The following PCNX2 variants were observed in gnomAD, a reference collection of about 807,000 sequenced individuals.
PCNX2 encodes the protein pecanex-like protein 2.
Under a neutral mutation model 223.8 loss-of-function variants are expected in PCNX2, and 168 were observed. The observed-to-expected ratio is 0.75, with a 90% CI of 0.66 to 0.85. PCNX2 has a LOEUF of 0.85. PCNX2 is among the 40% of genes least tolerant of loss of function. The pLI, the probability that PCNX2 is intolerant of heterozygous loss-of-function variation, is 0.00. For missense variants in PCNX2, 2,507 were observed against 2,675.5 expected, an observed-to-expected ratio of 0.94 and a Z score of 1.39; for synonymous variants, 1,006 against 1,052.6, an observed-to-expected ratio of 0.96 and a Z score of 0.86.
intron 15 of PCNX2, among the ~76,000 whole-genome samples, chr1:233,187,089 T>C (rs1326310561): frequency 6.6e-6 from 1 of 152,168 alleles, no homozygotes; most frequent in Non-Finnish European, 1.5e-5. Flanking sequence ...CAATGAAAAG[T>C]GTGCACAAGC....
rs796640283 is a variant in PCNX2 at position 232,991,270 on chromosome 1, G to A, written c.5792-4730C>T. On this transcript the variant is annotated intron_variant, in intron 32 of 33. Coordinates refer to ENST00000258229, the MANE Select transcript of PCNX2 (RefSeq NM_014801.4). This position sits in a 1 kb window ranked among gnomAD's most constrained non-coding sequence, Gnocchi z 4.3. The stretch of plus-strand genomic sequence containing the variant: ...CTGCAAGCCTGGGAGAGGGACACTG[G>A]GGACAGAGGAGGCAGCAGCTGAGGG... Among the ~76,000 whole-genome samples, 6 of 152,262 alleles carry A rather than the reference G, an allele frequency of 3.9e-5. No homozygotes were observed. The highest frequency in any genetic ancestry group is 1.4e-4 in the African/African-American group (6 of 41,554).
At chr1:233,167,803 A>G in intron 17 of PCNX2, 1 of 982,656 alleles carries the variant, frequency 1.0e-6, no homozygotes, top group Non-Finnish European at 1.2e-6. Flanking sequence ...AGCTCTAAAA[A>G]GTTTGTAACT....
chr1:233,075,739 A>AC lies in PCNX2; in HGVS notation c.4076+14321_4076+14322insG, dbSNP rs1553282226. On this transcript the variant is annotated intron_variant, in intron 23 of 33. Coordinates refer to ENST00000258229, the MANE Select transcript of PCNX2 (RefSeq NM_014801.4). ...CACACACACACACACACACACACAC[A>AC]ACAGAAAAGAAATCTCCATTGCAAA... Among the ~76,000 whole-genome samples, 262 of 149,426 alleles carry AC rather than the reference A, an allele frequency of 1.8e-3. 1 individual carries two copies. Among genetic ancestry groups the AC allele is most frequent in the African/African-American group, 4.6e-3 (184 of 40,404 alleles).
At chr1:233,305,463 T>C in the PCNX2 span, among the ~76,000 whole-genome samples, 1 of 152,314 alleles carries the variant, frequency 6.6e-6, no homozygotes, top group Admixed American at 6.5e-5. Context: ...TTTATTCTTT[T>C]GTGACAGGGT....
At chr1:233,170,349 T>C (rs1437054785) in intron 17 of PCNX2, among the ~76,000 whole-genome samples, 3 of 152,238 alleles carry the variant, frequency 2.0e-5, no homozygotes, top group Non-Finnish European at 4.4e-5. Flanking sequence ...CTGGTAGTTT[T>C]GAAATGGTGA....
chr1:233,243,468 A>G (rs1445847264), intron 8 of PCNX2, among the ~76,000 whole-genome samples: 2 of 152,226 alleles, frequency 1.3e-5, no homozygotes, highest in Non-Finnish European at 2.9e-5. Flanking sequence ...CTTAAAATCT[A>G]ATTGCATTAA....
the PCNX2 span, among the ~76,000 whole-genome samples, chr1:233,305,688 C>G: frequency 6.6e-6 from 1 of 152,198 alleles, no homozygotes; most frequent in African/African-American, 2.4e-5. Context: ...CCCCTGGGCT[C>G]AAACCATCCA....
chr1:233,214,449 C>T (rs571448397), intron 12 of PCNX2, among the ~76,000 whole-genome samples: 7 of 152,318 alleles, frequency 4.6e-5, no homozygotes, highest in South Asian at 4.1e-4. Context: ...ATTGCCTCCA[C>T]CATAATGACT....
At chr1:233,057,358 G>A in intron 23 of PCNX2, 68 bp from the exon 24 acceptor site, 1 of 1,259,210 alleles carries the variant, frequency 7.9e-7, no homozygotes, top group Non-Finnish European at 1.1e-6. Flanking sequence ...TTGGTTTATA[G>A]AACCAGCTGC....
intron 21 of PCNX2, among the ~76,000 whole-genome samples, chr1:233,100,417 CAAAAAAAAAAAA>C (rs5781726): frequency 2.5e-4 from 20 of 81,074 alleles, no homozygotes; most frequent in Admixed American, 9.7e-4. Flanking sequence ...GATTCTGTCT[CAAAAAAAAAAAA>C]AAAAAAAAAA....
At chr1:233,097,261 A>G (rs1214103195) in intron 21 of PCNX2, among the ~76,000 whole-genome samples, 1 of 151,946 alleles carries the variant, frequency 6.6e-6, no homozygotes, top group African/African-American at 2.4e-5. Flanking sequence ...ATAGAAGAGA[A>G]TGGAAGAATG....
intron 27 of PCNX2, among the ~76,000 whole-genome samples, chr1:233,016,344 C>G (rs1463072412): frequency 1.3e-5 from 2 of 152,170 alleles, no homozygotes; most frequent in African/African-American, 4.8e-5. Flanking sequence ...TAAACCTGCT[C>G]CCTTCATTTG....
At chr1:233,102,544 A>C (rs1235443926) in intron 21 of PCNX2, among the ~76,000 whole-genome samples, 3 of 152,090 alleles carry the variant, frequency 2.0e-5, no homozygotes, top group Non-Finnish European at 4.4e-5. Flanking sequence ...TAACATTCTG[A>C]TAACAGCCAT....
At chr1:233,249,933 C>T (rs1332698030) in intron 8 of PCNX2, among the ~76,000 whole-genome samples, 1 of 152,184 alleles carries the variant, frequency 6.6e-6, no homozygotes, top group Admixed American at 6.5e-5. Flanking sequence ...CCCATAAACC[C>T]TTGGGAACAC....
chr1:233,045,526 G>A (rs186412235), intron 25 of PCNX2, among the ~76,000 whole-genome samples: 62 of 152,254 alleles, frequency 4.1e-4, no homozygotes, highest in Non-Finnish European at 6.9e-4. Flanking sequence ...ACAGCAGCTA[G>A]CATTACTTCA....
intron 2 of PCNX2, 67 bp downstream of exon 2, chr1:233,262,891 A>G (rs1038794727): frequency 2.2e-5 from 33 of 1,508,500 alleles, no homozygotes; most frequent in Non-Finnish European, 3.0e-5. Flanking sequence ...AACACTGATA[A>G]AAAACTTATT....
the PCNX2 span, among the ~76,000 whole-genome samples, chr1:233,309,848 A>C: frequency 2.0e-5 from 3 of 150,314 alleles, no homozygotes; most frequent in Non-Finnish European, 4.4e-5. Flanking sequence ...ACTGTACTCC[A>C]GCCTAGGCGA....
chr1:233,013,712 C>A (rs1406809960), intron 28 of PCNX2, among the ~76,000 whole-genome samples: 1 of 152,124 alleles, frequency 6.6e-6, no homozygotes, highest in African/African-American at 2.4e-5. Context: ...AAGTAGAGGC[C>A]CCCTTTCTTC....
chr1:233,119,592 A>AAC (rs1675643927), intron 21 of PCNX2, among the ~76,000 whole-genome samples: 1 of 143,976 alleles, frequency 6.9e-6, no homozygotes. Flanking sequence ...CTCAAAAAAA[A>AAC]AAAAACAAAA....
Sources: allele counts gnomAD v4.1 joint callset (sites outside exome capture counted in the v4.1 genomes callset), GRCh38; gene constraint gnomAD v4.1.1; non-coding constraint Gnocchi (gnomAD v3.1); transcripts MANE v1.5; gene names NCBI Gene and HGNC (gene_info 2026-07-23, HGNC 2026-07-21).